Variants in COL26A1 observed in about 807,000 individuals in gnomAD.
COL26A1 encodes the protein collagen alpha-1(XXVI) chain.
A neutral mutation model predicts 59.3 loss-of-function variants in COL26A1; 41 were observed. The observed-to-expected ratio is 0.69, with a 90% confidence interval of 0.54 to 0.90. The LOEUF is 0.90. Ranked by LOEUF, COL26A1 falls within the 40% of genes least tolerant of loss-of-function variation. COL26A1 has a pLI of 0.00. For missense variants in COL26A1, 612 were observed against 602.3 expected, an observed-to-expected ratio of 1.02 and a Z score of -0.17; for synonymous variants, 266 against 256.0, an observed-to-expected ratio of 1.04 and a Z score of -0.37.
intron 3 of COL26A1, among the ~76,000 whole-genome samples, chr7:101,481,449 T>C (rs959959851): frequency 1.7e-5 from 1 of 60,122 alleles, no homozygotes; most frequent in African/African-American, 5.2e-5. Flanking sequence ...TCTCCCAAAA[T>C]ATATATATAT....
intron 1 of COL26A1, among the ~76,000 whole-genome samples, chr7:101,389,648 C>T (rs998431969): frequency 6.6e-6 from 1 of 151,964 alleles, no homozygotes; most frequent in Non-Finnish European, 1.5e-5. Context: ...CTCTGCTACC[C>T]GGGTTCAAGA....
intron 3 of COL26A1, among the ~76,000 whole-genome samples, chr7:101,504,536 G>A (rs1794767402): frequency 1.3e-5 from 2 of 152,142 alleles, no homozygotes; most frequent in Non-Finnish European, 2.9e-5. Flanking sequence ...GAGGCACCAG[G>A]GCTTCTGTCT....
intron 3 of COL26A1, among the ~76,000 whole-genome samples, chr7:101,463,869 T>TTTTCTTTCTTTCTTTC (rs566945352): frequency 0.049 from 4,495 of 91,584 alleles, 234 homozygotes; most frequent in East Asian, 0.13. Flanking sequence ...CTCTTTTTTC[T>TTTTCTTTCTTTCTTTC]TTTCTTTCTT....
At chr7:101,428,177 G>T (rs1792691559) in intron 2 of COL26A1, among the ~76,000 whole-genome samples, 1 of 151,986 alleles carries the variant, frequency 6.6e-6, no homozygotes, top group South Asian at 2.1e-4. Flanking sequence ...GGGCAACATA[G>T]TGAGACCCTG....
chr7:101,362,912 C>CGCTCGCCCCGCTCCTCT lies in COL26A1; in HGVS notation c.-121_-120insGCTCGCCCCGCTCCTCT. ...TTTCCAGCTCGCACCCGGGCTCCGA[C>CGCTCGCCCCGCTCCTCT]CGCTCGCCCCGCTCCTCTCGCTGTG... On this transcript the variant is annotated 5_prime_UTR_variant, in exon 1 of 13. Coordinates refer to ENST00000313669, the MANE Select transcript of COL26A1 (RefSeq NM_001278563.3). 1 of 1,069,476 alleles carries CGCTCGCCCCGCTCCTCT rather than the reference C, an allele frequency of 9.4e-7. No homozygotes were observed. Among genetic ancestry groups the CGCTCGCCCCGCTCCTCT allele is most frequent in the Non-Finnish European group, 1.3e-6 (1 of 783,828 alleles). 66.2% of individuals were successfully genotyped at this position (1,069,476 alleles called of 1,614,324 possible).
Position 101,375,715 on chromosome 7 carries a change from C to T in COL26A1, c.158+12525C>T, listed in dbSNP as rs974781992. ...AAAGAAAAAGAAAATTGGCCAGGCA[C>T]GGTGGCTCACGCTTGTAATCCCAGC... On this transcript the variant is annotated intron_variant, in intron 1 of 12. Coordinates refer to ENST00000313669, the MANE Select transcript of COL26A1 (RefSeq NM_001278563.3). Among the ~76,000 whole-genome samples, 109 of 151,796 alleles carry T rather than the reference C, an allele frequency of 7.2e-4. 1 individual carries two copies. Among genetic ancestry groups the T allele is most frequent in the Non-Finnish European group, 3.7e-4 (25 of 67,946 alleles).
At chr7:101,452,512 T>C (rs1167864335) in intron 3 of COL26A1, among the ~76,000 whole-genome samples, 1 of 152,176 alleles carries the variant, frequency 6.6e-6, no homozygotes, top group African/African-American at 2.4e-5. Flanking sequence ...ATGATGTGGC[T>C]ATGTTCTGAG....
At chr7:101,376,551 C>A (rs1405443570) in intron 1 of COL26A1, among the ~76,000 whole-genome samples, 1 of 152,114 alleles carries the variant, frequency 6.6e-6, no homozygotes, top group East Asian at 1.9e-4. Context: ...GGTCCTAAGC[C>A]TGCTCACTGG....
At position 101,516,751 on chromosome 7, in the gene COL26A1, C is replaced by T. The variant is rs188379193; in HGVS notation, c.386-16331C>T. Among the ~76,000 whole-genome samples the T allele has an allele frequency of 4.0e-3, 607 of 152,222 alleles. 3 individuals are homozygous for T. The highest frequency in any genetic ancestry group is 6.8e-3 in the Middle Eastern group (2 of 294). On this transcript the variant is annotated intron_variant, in intron 3 of 12. Transcript: ENST00000313669. Reference sequence around the variant, plus strand: ...ACTTTCTCAGGGTCACACAGCGTGTCGGGGGCAGGGCCCAGAGAGATGACT... The same window carrying T: ...ACTTTCTCAGGGTCACACAGCGTGTTGGGGGCAGGGCCCAGAGAGATGACT...
chr7:101,481,292 A>C lies in COL26A1; in HGVS notation c.385+33505A>C, dbSNP rs191626129. 4.0e-3 allele frequency among the ~76,000 whole-genome samples: 604 copies of C among 151,170 alleles called. 4 individuals carry two copies. The highest frequency in any genetic ancestry group is 7.1e-3 in the Middle Eastern group (2 of 282). ...AGTTACTATGATAGCCACCCCACCCAAGGTCAGTTATAGCATCTTTATGAT... is the reference window on the plus strand; with the variant it reads ...AGTTACTATGATAGCCACCCCACCCCAGGTCAGTTATAGCATCTTTATGAT... On this transcript the variant is annotated intron_variant, in intron 3 of 12. Transcript: ENST00000313669.
At position 101,362,988 on chromosome 7, in the gene COL26A1, G is replaced by A; in HGVS notation, c.-45G>A. ...TCCGGGCGCCGGTGCGCTCCTGCCGGTCCTCGTGCCCGGGACTCCGGGTCC... is the reference window on the plus strand; with the variant it reads ...TCCGGGCGCCGGTGCGCTCCTGCCGATCCTCGTGCCCGGGACTCCGGGTCC... On this transcript the variant is annotated 5_prime_UTR_variant, in exon 1 of 13. Coordinates refer to ENST00000313669, the MANE Select transcript of COL26A1 (RefSeq NM_001278563.3). 3 of 1,537,458 alleles carry A rather than the reference G, an allele frequency of 2.0e-6. No individual in the cohort carries two copies. The highest frequency in any genetic ancestry group is 1.4e-5 in the African/African-American group (1 of 70,932).
chr7:101,396,285 C>A (rs1791853690), intron 1 of COL26A1, among the ~76,000 whole-genome samples: 1 of 151,938 alleles, frequency 6.6e-6, no homozygotes, highest in Non-Finnish European at 1.5e-5. Context: ...CAACACAACA[C>A]AACACAAAAC....
At position 101,533,117 on chromosome 7, in the gene COL26A1, G is replaced by T; in HGVS notation, c.421G>T (p.Glu141Ter). ...MNCTRLSDMS[E>*]RLTTLEAKVL... is the part of the protein sequence containing the mutation. ...CTGCACCCGGCTCAGTGACATGAGT[G>T]AGCGACTGACCACACTGGAGGCCAA... The change falls in exon 4 of 13, where the codon GAG becomes TAG. Residue 141 changes from glutamate (E) to a stop codon, truncating the protein, a stop_gained. Coordinates refer to ENST00000313669, the MANE Select transcript of COL26A1 (RefSeq NM_001278563.3). LOFTEE classifies it high-confidence loss of function. 6.2e-7 allele frequency: 1 copy of T among 1,607,718 alleles called. No individual in the cohort carries two copies. Among genetic ancestry groups the T allele is most frequent in the South Asian group, 1.1e-5 (1 of 89,776 alleles).
chr7:101,491,334 G>A (rs1794456034), intron 3 of COL26A1, among the ~76,000 whole-genome samples: 1 of 152,146 alleles, frequency 6.6e-6, no homozygotes, highest in Non-Finnish European at 1.5e-5. Context: ...CAGAGAGCTG[G>A]TTGTTAAACA....
chr7:101,451,598 A>T (rs967675714), intron 3 of COL26A1, among the ~76,000 whole-genome samples: 1 of 150,636 alleles, frequency 6.6e-6, no homozygotes, highest in South Asian at 2.1e-4. Flanking sequence ...TAATTTATAT[A>T]TGTATATAAA....
chr7:101,365,876 G>C (rs1791034531), intron 1 of COL26A1, among the ~76,000 whole-genome samples: 1 of 152,150 alleles, frequency 6.6e-6, no homozygotes, highest in South Asian at 2.1e-4. Flanking sequence ...CAAGAGGTGA[G>C]GACCATGAAG....
chr7:101,419,481 C>T (rs999670838), intron 1 of COL26A1, among the ~76,000 whole-genome samples: 1 of 152,104 alleles, frequency 6.6e-6, no homozygotes, highest in South Asian at 2.1e-4. Context: ...CCTGTTACAC[C>T]GCTGCTTCCC....
Position 101,553,901 on chromosome 7 carries a change from G to T in COL26A1, c.1080+525G>T, listed in dbSNP as rs993814531. Among the ~76,000 whole-genome samples the T allele has an allele frequency of 7.2e-5, 11 of 152,094 alleles. 1 individual carries two copies. The highest frequency in any genetic ancestry group is 2.0e-4 in the Admixed American group (3 of 15,276). On this transcript the variant is annotated intron_variant, in intron 11 of 12. Coordinates refer to ENST00000313669, the MANE Select transcript of COL26A1 (RefSeq NM_001278563.3). ...CAAGCGGAGGCTGGGGCCAGTGGGA[G>T]GGGGCAGCCAGGGCACGGGCTTGGC... is the stretch of plus-strand genomic sequence containing the variant.
At chr7:101,448,367 A>C (rs1243029053) in intron 3 of COL26A1, among the ~76,000 whole-genome samples, 1 of 152,232 alleles carries the variant, frequency 6.6e-6, no homozygotes, top group Non-Finnish European at 1.5e-5. Flanking sequence ...CAGACAGAGC[A>C]AATCCCCCTT....
Sources: allele counts gnomAD v4.1 joint callset (sites outside exome capture counted in the v4.1 genomes callset), GRCh38; gene constraint gnomAD v4.1.1; transcripts MANE v1.5; gene names NCBI Gene and HGNC (gene_info 2026-07-23, HGNC 2026-07-21).